Variants in SPOPL observed in about 807,000 individuals in gnomAD.
The protein encoded by SPOPL is speckle type BTB/POZ protein like, also known as speckle-type POZ protein-like.
A neutral mutation model predicts 53.8 loss-of-function variants in SPOPL; 23 were observed. That is an observed-to-expected ratio of 0.43 (90% CI 0.31 to 0.61). The LOEUF (loss-of-function observed/expected upper bound fraction) is 0.61, where lower values mean the gene tolerates loss of function less well. SPOPL is among the 20% of genes least tolerant of loss of function. The pLI is 0.12. For missense variants in SPOPL, 442 were observed against 466.9 expected, an observed-to-expected ratio of 0.95 and a Z score of 0.49; for synonymous variants, 164 against 149.7, an observed-to-expected ratio of 1.10 and a Z score of -0.70.
At chr2:138,507,551 C>G (rs932910226) in intron 1 of SPOPL, among the ~76,000 whole-genome samples, 3 of 152,144 alleles carry the variant, frequency 2.0e-5, no homozygotes, top group African/African-American at 7.2e-5. Context: ...TTCTGAAAGT[C>G]AAGTTACACA....
At chr2:138,535,421 T>C (rs1481066049) in intron 1 of SPOPL, among the ~76,000 whole-genome samples, 1 of 152,124 alleles carries the variant, frequency 6.6e-6, no homozygotes, top group Non-Finnish European at 1.5e-5. Flanking sequence ...GAGGAATCCT[T>C]AAACTGTTTT....
chr2:138,548,968 G>T (rs1237202619), intron 1 of SPOPL, among the ~76,000 whole-genome samples: 2 of 152,094 alleles, frequency 1.3e-5, no homozygotes, highest in African/African-American at 2.4e-5. Context: ...AACAATAGTG[G>T]TCTGTCTTGG....
Position 138,550,827 on chromosome 2 carries a change from T to TTCTCTCTCTCTC in SPOPL, c.201-65_201-54dup, listed in dbSNP as rs66690846. The TTCTCTCTCTCTC allele has an allele frequency of 1.8e-4, 250 of 1,368,386 alleles. 1 individual carries two copies. The East Asian group carries it at 4.3e-3, about 23-fold the overall frequency. 84.8% of individuals were successfully genotyped at this position (1,368,386 alleles called of 1,614,324 possible). A position where few individuals can be genotyped will look rare whatever the true frequency, so the allele number is the denominator to read the frequency against. ...TGATTTCAGTGTTCTCTCTCTCTCT[T>TTCTCTCTCTCTC]TCTCTCTCTCTCTCTCTCTCTCGAA... On this transcript the variant is annotated intron_variant, in intron 3 of 10. Transcript: ENST00000280098.
intron 1 of SPOPL, among the ~76,000 whole-genome samples, chr2:138,509,115 C>G (rs1453182068): frequency 6.6e-6 from 1 of 152,048 alleles, no homozygotes; most frequent in Non-Finnish European, 1.5e-5. Flanking sequence ...TTTTGCACCT[C>G]AAACCATGGT....
At chr2:138,521,138 A>T (rs1294058508) in intron 1 of SPOPL, among the ~76,000 whole-genome samples, 1 of 152,202 alleles carries the variant, frequency 6.6e-6, no homozygotes, top group East Asian at 1.9e-4. Flanking sequence ...TTGGTATTTT[A>T]AAAGAAGGTA....
intron 1 of SPOPL, among the ~76,000 whole-genome samples, chr2:138,533,559 T>C (rs1684860058): frequency 6.6e-6 from 1 of 152,114 alleles, no homozygotes; most frequent in Admixed American, 6.5e-5. Flanking sequence ...AGTCATCGTA[T>C]ACTTAATTTG....
At chr2:138,555,047 ATCATAACATGG>A (rs1301674676) in intron 5 of SPOPL, among the ~76,000 whole-genome samples, 1 of 152,016 alleles carries the variant, frequency 6.6e-6, no homozygotes, top group African/African-American at 2.4e-5. Context: ...TTTTTCTCAC[ATCATAACATGG>A]TGGACATCAT....
chr2:138,533,650 G>A (rs1488412004), intron 1 of SPOPL, among the ~76,000 whole-genome samples: 1 of 151,760 alleles, frequency 6.6e-6, no homozygotes. Flanking sequence ...TATTCTCCCT[G>A]GTACAGTCTT....
intron 1 of SPOPL, among the ~76,000 whole-genome samples, chr2:138,522,504 T>G (rs1477513675): frequency 6.6e-6 from 1 of 152,132 alleles, no homozygotes; most frequent in Admixed American, 6.6e-5. Context: ...CGCCAGTTAC[T>G]TCAGTGTACA....
rs531387358 is a variant in SPOPL at position 138,545,843 on chromosome 2, C to G, written c.-60-4314C>G. Among the ~76,000 whole-genome samples, 3 of 152,280 alleles carry G rather than the reference C, an allele frequency of 2.0e-5. No individual in the cohort carries two copies. The South Asian group carries it at 6.2e-4, about 32-fold the overall frequency. ...TGGACGGATGGAGTTTTGGAGCTCT[C>G]TACTATTTTGTGACATCTATGTGTA... is the stretch of plus-strand genomic sequence containing the variant. On this transcript the variant is annotated intron_variant, in intron 1 of 10. Coordinates refer to ENST00000280098, the MANE Select transcript of SPOPL (RefSeq NM_001001664.3).
chr2:138,559,070 A>G lies in SPOPL; in HGVS notation c.529A>G (p.Asn177Asp). 1 of 1,613,428 alleles carries G rather than the reference A, an allele frequency of 6.2e-7. No individual in the cohort carries two copies. Among genetic ancestry groups the G allele is most frequent in the Non-Finnish European group, 8.5e-7 (1 of 1,179,842 alleles). ...SVNISGHTNTNTLKVPECRLA... is the reference protein window; with the variant it reads ...SVNISGHTNTDTLKVPECRLA... ...AAACATATCAGGACATACTAATACA[A>G]ATACTTTGAAGGTGCCTGAGTGTCG... Residue 177 changes from asparagine to aspartate, a missense_variant, in exon 6 of 11, where the codon AAT (asparagine) becomes GAT (aspartate). Physicochemically the swap from Asn to Asp is conservative, Grantham distance 23. Coordinates refer to ENST00000280098, the MANE Select transcript of SPOPL (RefSeq NM_001001664.3).
chr2:138,570,006 CT>C lies in SPOPL; in HGVS notation c.*928del, dbSNP rs560684230. The C allele has an allele frequency of 5.0e-4, 77 of 152,522 alleles. 1 individual carries two copies. The highest frequency in any genetic ancestry group is 1.7e-3 in the African/African-American group (72 of 41,526). 9.4% of individuals were successfully genotyped at this position (152,522 alleles called of 1,614,324 possible). On this transcript the variant is annotated 3_prime_UTR_variant, in exon 11 of 11. Transcript: ENST00000280098. Reference sequence around the variant, plus strand: ...ATTAATAAGGTATAATTAATTGTGTCTTAACTTTTCAAAGAAATTTTTAGAT... The same window carrying C: ...ATTAATAAGGTATAATTAATTGTGTCTAACTTTTCAAAGAAATTTTTAGAT...
chr2:138,560,246 G>A (rs1240966745), intron 7 of SPOPL, among the ~76,000 whole-genome samples: 1 of 152,040 alleles, frequency 6.6e-6, no homozygotes, highest in African/African-American at 2.4e-5. Context: ...TGAGGTAGTG[G>A]GCTTTATTGT....
chr2:138,528,189 A>G (rs1684718898), intron 1 of SPOPL, among the ~76,000 whole-genome samples: 2 of 152,162 alleles, frequency 1.3e-5, no homozygotes, highest in South Asian at 4.1e-4. Flanking sequence ...AAAAGCTACA[A>G]CTGCCACCCT....
intron 1 of SPOPL, among the ~76,000 whole-genome samples, chr2:138,527,924 C>G (rs957043822): frequency 2.0e-5 from 3 of 152,146 alleles, no homozygotes; most frequent in Non-Finnish European, 4.4e-5. Flanking sequence ...CATGCGTAAG[C>G]TGGGAACTGT....
At chr2:138,557,943 G>A (rs992491712) in intron 5 of SPOPL, among the ~76,000 whole-genome samples, 3 of 152,128 alleles carry the variant, frequency 2.0e-5, no homozygotes, top group African/African-American at 7.2e-5. Context: ...TGGATCACTT[G>A]AGGTCAGGAG....
At chr2:138,566,356 C>T (rs551098502) in intron 10 of SPOPL, among the ~76,000 whole-genome samples, 5 of 152,070 alleles carry the variant, frequency 3.3e-5, no homozygotes, top group Non-Finnish European at 7.4e-5. Flanking sequence ...TAGTTTTACT[C>T]TAAGGAAATA....
chr2:138,543,005 G>T lies in SPOPL; in HGVS notation c.-60-7152G>T, dbSNP rs559189853. Reference sequence around the variant, plus strand: ...ATCCTTCACTTACGAAGCTTAGCTTGGCTGGATGTGAAATTCTGGGTTGAA... The same window carrying T: ...ATCCTTCACTTACGAAGCTTAGCTTTGCTGGATGTGAAATTCTGGGTTGAA... On this transcript the variant is annotated intron_variant, in intron 1 of 10. Transcript: ENST00000280098. 2.0e-4 allele frequency among the ~76,000 whole-genome samples: 30 copies of T among 152,296 alleles called. No individual in the cohort carries two copies. In the Middle Eastern group the frequency reaches 0.014, roughly 69 times the overall value.
At position 138,505,659 on chromosome 2, in the gene SPOPL, C is replaced by T. The variant is rs143022315; in HGVS notation, c.-61+3540C>T. 4.7e-4 allele frequency among the ~76,000 whole-genome samples: 70 copies of T among 150,472 alleles called. No individual in the cohort carries two copies. In the East Asian group the frequency reaches 0.012, roughly 25 times the overall value. On this transcript the variant is annotated intron_variant, in intron 1 of 10. Transcript: ENST00000280098. ...GTGTGGTGGCACACACCTGTAGTCCCGGCTACTTGGGAGGGTGAGGCAGGA... is the reference window on the plus strand; with the variant it reads ...GTGTGGTGGCACACACCTGTAGTCCTGGCTACTTGGGAGGGTGAGGCAGGA...
Sources: allele counts gnomAD v4.1 joint callset (sites outside exome capture counted in the v4.1 genomes callset), GRCh38; gene constraint gnomAD v4.1.1; transcripts MANE v1.5; gene names NCBI Gene and HGNC (gene_info 2026-07-23, HGNC 2026-07-21).